The following ANK3 variants were observed in gnomAD, a reference collection of about 807,000 sequenced individuals.
ANK3 encodes ankyrin 3.
A neutral mutation model predicts 370.9 loss-of-function variants in ANK3; 57 were observed. The ratio of observed to expected loss-of-function variants is 0.15; its 90% CI spans 0.12 to 0.19. The LOEUF is 0.19. Among genes scored for constraint, ANK3 ranks in the 10% least tolerant of loss-of-function variants. The pLI, the probability that ANK3 is intolerant of heterozygous loss-of-function variation, is 1.00. For synonymous variants in ANK3, 1,929 were observed against 1,946.3 expected (o/e 0.99, Z 0.23); for missense variants, 4,439 against 5,302.1 (o/e 0.84, Z 5.06).
intron 2 of ANK3, among the ~76,000 whole-genome samples, chr10:60,559,513 C>T (rs1442953775): frequency 6.6e-6 from 1 of 152,084 alleles, no homozygotes; most frequent in Non-Finnish European, 1.5e-5. Flanking sequence ...TATACTGTTT[C>T]TAATCCTTAC....
chr10:60,157,043 T>TTTC (rs1311622778), intron 23 of ANK3, among the ~76,000 whole-genome samples: 1 of 151,342 alleles, frequency 6.6e-6, no homozygotes, highest in African/African-American at 2.4e-5. Context: ...ATGAATCTTT[T>TTTC]TTTTTTTTTT....
In ANK3 at chr10:60,206,861, T is replaced by C. The variant is rs370953534; in HGVS notation, c.1195-971A>G. 8.7e-4 allele frequency among the ~76,000 whole-genome samples: 133 copies of C among 152,302 alleles called. 1 individual carries two copies. In the South Asian group the frequency reaches 0.026, roughly 30 times the overall value. ...AATACCAGAGTCCACTGTAAAAGCT[T>C]AGGTCAAAGTCACTGCAGGTGCTTT... On this transcript the variant is annotated intron_variant, in intron 10 of 43. Coordinates refer to ENST00000280772, the MANE Select transcript of ANK3 (RefSeq NM_020987.5).
At chr10:60,400,831 G>A (rs1232571192) in intron 2 of ANK3, among the ~76,000 whole-genome samples, 1 of 152,092 alleles carries the variant, frequency 6.6e-6, no homozygotes, top group African/African-American at 2.4e-5. Flanking sequence ...AGCCCAGCAT[G>A]CATTAACTAT....
chr10:60,106,091 A>G, intron 27 of ANK3, 32 bp from the exon 28 acceptor site: 1 of 1,563,370 alleles, frequency 6.4e-7, no homozygotes. Flanking sequence ...TTTTGGTATC[A>G]AATTAAATAT....
At chr10:60,381,561 C>T (rs183757842) in intron 1 of ANK3, among the ~76,000 whole-genome samples, 37 of 152,210 alleles carry the variant, frequency 2.4e-4, no homozygotes, top group Admixed American at 9.8e-4. Flanking sequence ...CAAATAATTT[C>T]GAGTGCTTAT....
chr10:60,420,071 G>T (rs2063747149), intron 2 of ANK3, among the ~76,000 whole-genome samples: 2 of 152,008 alleles, frequency 1.3e-5, no homozygotes, highest in South Asian at 2.1e-4. Flanking sequence ...GCAAAACATT[G>T]TACTGGCTAC....
intron 7 of ANK3, among the ~76,000 whole-genome samples, chr10:60,240,135 T>TATATATATAC: frequency 8.2e-6 from 1 of 122,390 alleles, no homozygotes; most frequent in South Asian, 2.6e-4. Flanking sequence ...TATATATACA[T>TATATATATAC]ATATATACAC....
At chr10:60,338,930 T>C (rs1270700939) in intron 1 of ANK3, among the ~76,000 whole-genome samples, 1 of 152,024 alleles carries the variant, frequency 6.6e-6, no homozygotes, top group Non-Finnish European at 1.5e-5. Context: ...TGTCTCCAAA[T>C]AAATAGGAGC....
intron 1 of ANK3, among the ~76,000 whole-genome samples, chr10:60,716,495 C>G (rs771932478): frequency 6.6e-6 from 1 of 152,074 alleles, no homozygotes; most frequent in Admixed American, 6.5e-5. Flanking sequence ...TTTTCTCTTA[C>G]AATCTCACAC....
chr10:60,575,291 T>C (rs1183140194), intron 2 of ANK3, among the ~76,000 whole-genome samples: 1 of 152,082 alleles, frequency 6.6e-6, no homozygotes, highest in Non-Finnish European at 1.5e-5. Context: ...TTCATTTGTA[T>C]ATGTAAGGTT....
chr10:60,137,172 C>T (rs1384355498), intron 24 of ANK3, among the ~76,000 whole-genome samples: 8 of 151,684 alleles, frequency 5.3e-5, no homozygotes. Context: ...TTCTACTTTT[C>T]TTAAAATCAG....
chr10:60,295,403 G>A (rs1241410008), intron 1 of ANK3, among the ~76,000 whole-genome samples: 1 of 152,172 alleles, frequency 6.6e-6, no homozygotes, highest in Non-Finnish European at 1.5e-5. Context: ...AGTTAGAAAT[G>A]GCATGGCACA....
In ANK3 at chr10:60,661,490, C is replaced by T. The variant is rs369788649; in HGVS notation, c.58-46266G>A. ...CCTAATCATTTGCCCTTCTAGTTTC[C>T]TTTTCTTTAGCCTATACAAACTTCA... On this transcript the variant is annotated intron_variant, in intron 1 of 43. Coordinates refer to the ANK3 transcript ENST00000373827. 1.0e-3 allele frequency among the ~76,000 whole-genome samples: 156 copies of T among 152,188 alleles called. 6 individuals are homozygous for T. In the South Asian group the frequency reaches 0.031, roughly 30 times the overall value.
chr10:60,137,434 A>C, intron 24 of ANK3: 1 of 325,444 alleles, frequency 3.1e-6, no homozygotes, highest in Non-Finnish European at 6.0e-6. Context: ...AAAAAAGAAA[A>C]AAAATGTTAT....
chr10:60,062,861 A>G (rs969285444), intron 40 of ANK3: 7 of 286,316 alleles, frequency 2.4e-5, no homozygotes, highest in African/African-American at 1.5e-4. Flanking sequence ...TATTAGAAAT[A>G]CCAACTCTTT....
At position 60,192,955 on chromosome 10, in the gene ANK3, G is replaced by T. The variant is rs1438438653; in HGVS notation, c.1887+3190C>A. Among the ~76,000 whole-genome samples, 6 of 149,762 alleles carry T rather than the reference G, an allele frequency of 4.0e-5. No homozygotes were observed. The East Asian group carries it at 9.7e-4, about 24-fold the overall frequency. ...TGGAGGCTCATCAATTTAAACCATT[G>T]TAGCTAGGACTTTTTTTTTTTTTTC... On this transcript the variant is annotated intron_variant, in intron 16 of 43. Transcript: ENST00000280772.
rs376054723 is a variant in ANK3 at position 60,072,856 on chromosome 10, C to T, written c.8025G>A (p.Lys2675=). 6.2e-7 allele frequency: 1 copy of T among 1,614,096 alleles called. No homozygotes were observed. The highest frequency in any genetic ancestry group is 8.5e-7 in the Non-Finnish European group (1 of 1,180,008). The change falls in exon 37 of 44, where the codon AAG becomes AAA. Residue 2675 remains lysine (K), a synonymous_variant. Transcript: ENST00000280772. The part of the protein sequence containing the change: ...KAPSLPSSPE[K]MVLSQQTEDS... ...CCTCAGTCTGTTGGGAGAGAACCAT[C>T]TTCTCTGGGCTGCTGGGCAGACTGG...
intron 8 of ANK3, among the ~76,000 whole-genome samples, chr10:60,223,663 TTTTG>T (rs59408706): frequency 0.047 from 7,161 of 152,252 alleles, 538 homozygotes; most frequent in African/African-American, 0.16. Context: ...TTGTTATCCT[TTTTG>T]TTTAAGAGTA....
At chr10:60,660,786 C>G (rs1373901261) in intron 1 of ANK3, among the ~76,000 whole-genome samples, 4 of 151,948 alleles carry the variant, frequency 2.6e-5, no homozygotes, top group Non-Finnish European at 4.4e-5. Flanking sequence ...GATGGGGGAG[C>G]ATTAGAGGCC....
Sources: gnomAD v4.1 joint callset for allele counts (sites outside exome capture counted in the v4.1 genomes callset) on GRCh38, gnomAD v4.1.1 for gene constraint, MANE v1.5 for transcripts, NCBI Gene and HGNC (gene_info 2026-07-23, HGNC 2026-07-21) for gene names.